KSR1: variants seen among roughly 807,000 people sequenced by gnomAD.
The protein encoded by KSR1 is kinase suppressor of ras.
Under a neutral mutation model 92.9 loss-of-function variants are expected in KSR1, and 35 were observed. The ratio of observed to expected loss-of-function variants is 0.38; its 90% CI spans 0.29 to 0.50. The LOEUF is 0.50. Ranked by LOEUF, KSR1 falls within the 20% of genes least tolerant of loss-of-function variation. The pLI, the probability that KSR1 is intolerant of heterozygous loss-of-function variation, is 0.94. For synonymous variants in KSR1, 467 were observed against 472.6 expected (o/e 0.99, Z 0.15); for missense variants, 972 against 1,158.5 (o/e 0.84, Z 2.34).
intron 2 of KSR1, among the ~76,000 whole-genome samples, chr17:27,555,955 G>A (rs1276463928): frequency 6.6e-6 from 1 of 152,164 alleles, no homozygotes; most frequent in Non-Finnish European, 1.5e-5. Flanking sequence ...AACATTTTCT[G>A]GCCCTCACAT....
chr17:27,507,525 A>C (rs2069431950), intron 1 of KSR1, among the ~76,000 whole-genome samples: 1 of 138,934 alleles, frequency 7.2e-6, no homozygotes, highest in African/African-American at 2.7e-5. Flanking sequence ...GGTATGTTTG[A>C]TTAAATAAAA....
At chr17:27,541,046 C>T (rs1333552398) in intron 1 of KSR1, among the ~76,000 whole-genome samples, 1 of 152,222 alleles carries the variant, frequency 6.6e-6, no homozygotes, top group African/African-American at 2.4e-5. Context: ...CTTCAGGGAC[C>T]ACTGGAATGA....
chr17:27,593,843 A>G (rs1275463741), intron 9 of KSR1, among the ~76,000 whole-genome samples: 1 of 152,244 alleles, frequency 6.6e-6, no homozygotes, highest in East Asian at 1.9e-4. Context: ...TCAAGGTGCC[A>G]GTAGGCTCGA....
chr17:27,609,366 G>T (rs1436976827), intron 16 of KSR1, 37 bp downstream of exon 16: 1 of 1,611,304 alleles, frequency 6.2e-7, no homozygotes, highest in East Asian at 2.2e-5. Context: ...GGTTGTGGGT[G>T]CTGGATGGGG....
At chr17:27,547,924 GC>G (rs2071240992) in intron 1 of KSR1, among the ~76,000 whole-genome samples, 1 of 151,950 alleles carries the variant, frequency 6.6e-6, no homozygotes, top group South Asian at 2.1e-4. Flanking sequence ...TATTGACCAG[GC>G]TGGTCTCGAA....
intron 1 of KSR1, among the ~76,000 whole-genome samples, chr17:27,466,303 A>G (rs572193299): frequency 1.3e-5 from 2 of 152,362 alleles, no homozygotes; most frequent in South Asian, 2.1e-4. Context: ...AGAGGCTGGT[A>G]TCCCTGTAGA....
At chr17:27,503,999 C>A (rs906859349) in intron 1 of KSR1, among the ~76,000 whole-genome samples, 6 of 152,278 alleles carry the variant, frequency 3.9e-5, no homozygotes, top group Admixed American at 3.3e-4. Context: ...AAGAAGTTGG[C>A]ATTTGGATTA....
intron 1 of KSR1, among the ~76,000 whole-genome samples, chr17:27,466,655 G>A (rs2019715019): frequency 2.6e-5 from 4 of 152,234 alleles, no homozygotes; most frequent in Admixed American, 2.6e-4. Flanking sequence ...AGAGGGCTGG[G>A]CTACAGATGA....
At chr17:27,604,532 A>C in intron 12 of KSR1, 148 bp from the exon 13 acceptor site, 1 of 722,670 alleles carries the variant, frequency 1.4e-6, no homozygotes, top group Non-Finnish European at 2.4e-6. Context: ...CCTCCTGCCT[A>C]TTGCCATGCT....
intron 1 of KSR1, among the ~76,000 whole-genome samples, chr17:27,539,332 G>A (rs1469654569): frequency 6.6e-6 from 1 of 152,182 alleles, no homozygotes; most frequent in African/African-American, 2.4e-5. Context: ...TATCTGGTCT[G>A]TGAGCAACAC....
At chr17:27,521,063 G>A (rs1295687629) in intron 1 of KSR1, among the ~76,000 whole-genome samples, 4 of 152,174 alleles carry the variant, frequency 2.6e-5, no homozygotes, top group African/African-American at 7.2e-5. Flanking sequence ...GTTCAGCACC[G>A]TGGTTCTGAA....
intron 16 of KSR1, 53 bp downstream of exon 16, chr17:27,609,382 C>G (rs2073853053): frequency 1.2e-6 from 2 of 1,605,350 alleles, no homozygotes; most frequent in Non-Finnish European, 1.7e-6. Flanking sequence ...TGGGGAAGAG[C>G]AGGGCTGAGG....
chr17:27,562,417 C>T (rs567118487), intron 2 of KSR1, among the ~76,000 whole-genome samples: 3 of 148,780 alleles, frequency 2.0e-5, no homozygotes, highest in African/African-American at 7.4e-5. Flanking sequence ...AGGGTGAAGA[C>T]GAGGTGGCTG....
chr17:27,549,587 T>G lies in KSR1; in HGVS notation c.232-981T>G, dbSNP rs190112268. 2.6e-5 allele frequency among the ~76,000 whole-genome samples: 4 copies of G among 152,328 alleles called. No individual in the cohort carries two copies. In the East Asian group the frequency reaches 7.7e-4, roughly 29 times the overall value. ...TGAAGTTTTAGCCATTTGCGAGTCTTTTGAAAGCTTTGGACAATAACTCTA... is the reference window on the plus strand; with the variant it reads ...TGAAGTTTTAGCCATTTGCGAGTCTGTTGAAAGCTTTGGACAATAACTCTA... On this transcript the variant is annotated intron_variant, in intron 1 of 20. Transcript: ENST00000644974.
At chr17:27,532,800 G>C (rs753577279) in intron 1 of KSR1, among the ~76,000 whole-genome samples, 4 of 152,180 alleles carry the variant, frequency 2.6e-5, no homozygotes, top group Non-Finnish European at 5.9e-5. Flanking sequence ...ACCAGTATTC[G>C]TGTGCTCTGG....
At chr17:27,585,466 T>C (rs552377984) in intron 4 of KSR1, among the ~76,000 whole-genome samples, 191 bp from the exon 5 acceptor site, 30 of 152,286 alleles carry the variant, frequency 2.0e-4, no homozygotes, top group African/African-American at 5.3e-4. Flanking sequence ...CTTCTAGTCC[T>C]TTCCATTGAG....
chr17:27,603,844 C>T lies in KSR1; in HGVS notation c.1521C>T (p.Ala507=). Residue 507 remains alanine (A), a synonymous_variant, in exon 12 of 21, where the codon GCC becomes GCT. Coordinates refer to ENST00000644974, the MANE Select transcript of KSR1 (RefSeq NM_001394583.1). ...TTTTGTTTCCTCCAGACATTTCAGC[C>T]TTTGCACACGCAGCCCCGCTCCCTG... is the stretch of plus-strand genomic sequence containing the variant. ...RQQFIFPDIS[A]FAHAAPLPEA... is the part of the protein sequence containing the mutation. 3 of 1,613,996 alleles carry T rather than the reference C, an allele frequency of 1.9e-6. No individual in the cohort carries two copies. Among genetic ancestry groups the T allele is most frequent in the Non-Finnish European group, 1.7e-6 (2 of 1,179,886 alleles).
At chr17:27,469,668 G>C (rs143187952) in intron 1 of KSR1, among the ~76,000 whole-genome samples, 20 of 152,158 alleles carry the variant, frequency 1.3e-4, no homozygotes, top group African/African-American at 4.6e-4. Flanking sequence ...ACAGTGCCTG[G>C]TACTTAGAAG....
At chr17:27,553,008 G>A (rs1359674100) in intron 2 of KSR1, among the ~76,000 whole-genome samples, 1 of 152,218 alleles carries the variant, frequency 6.6e-6, no homozygotes, top group Non-Finnish European at 1.5e-5. Context: ...TAGAGCCACA[G>A]AGGAGTAGAG....
Sources: gnomAD v4.1 joint callset for allele counts (sites outside exome capture counted in the v4.1 genomes callset) on GRCh38, gnomAD v4.1.1 for gene constraint, MANE v1.5 for transcripts, NCBI Gene and HGNC (gene_info 2026-07-23, HGNC 2026-07-21) for gene names.